The following CUBN variants were observed in gnomAD, a reference collection of about 807,000 sequenced individuals.
CUBN encodes 460 kDa receptor.
Under a neutral mutation model 405.3 loss-of-function variants are expected in CUBN, and 282 were observed. The ratio of observed to expected loss-of-function variants is 0.70; its 90% CI spans 0.63 to 0.77. The LOEUF (loss-of-function observed/expected upper bound fraction) is 0.77. Among genes scored for constraint, CUBN ranks in the 30% least tolerant of loss-of-function variants. The pLI is 0.00. For synonymous variants in CUBN, 1,684 were observed against 1,617.0 expected (o/e 1.04, Z -0.99); for missense variants, 4,514 against 4,475.2 (o/e 1.01, Z -0.25).
At chr10:17,056,054 T>C (rs1439938075) in intron 22 of CUBN, among the ~76,000 whole-genome samples, 1 of 152,098 alleles carries the variant, frequency 6.6e-6, no homozygotes, top group East Asian at 1.9e-4. Context: ...TAATGTTCTA[T>C]TGTTAAAGGG....
intron 59 of CUBN, among the ~76,000 whole-genome samples, chr10:16,860,667 G>T (rs1463982631): frequency 1.3e-5 from 2 of 152,176 alleles, no homozygotes; most frequent in Non-Finnish European, 1.5e-5. Context: ...GAATAGTGGT[G>T]TCACAAGACA....
intron 56 of CUBN, among the ~76,000 whole-genome samples, chr10:16,880,355 C>T (rs1020657410): frequency 1.3e-5 from 2 of 152,160 alleles, no homozygotes; most frequent in Non-Finnish European, 2.9e-5. Flanking sequence ...TCAGATGTGT[C>T]CAAACTGCAA....
At chr10:17,112,667 T>C (rs1254695933) in intron 8 of CUBN, among the ~76,000 whole-genome samples, 2 of 151,982 alleles carry the variant, frequency 1.3e-5, no homozygotes, top group African/African-American at 2.4e-5. Flanking sequence ...GTTTTTTTTT[T>C]CCATTTCTTT....
chr10:17,004,057 T>A (rs983303678), intron 28 of CUBN, among the ~76,000 whole-genome samples: 16 of 152,160 alleles, frequency 1.1e-4, no homozygotes, highest in African/African-American at 3.9e-4. Context: ...CAGGCTTGTT[T>A]CTCTCTCTTT....
At chr10:17,106,933 A>G (rs1836647908) in intron 10 of CUBN, among the ~76,000 whole-genome samples, 2 of 152,246 alleles carry the variant, frequency 1.3e-5, no homozygotes, top group Non-Finnish European at 2.9e-5. Context: ...ATATAGTAAC[A>G]TAAATATATG....
At chr10:16,915,687 A>C (rs1301923915) in intron 46 of CUBN, 134 bp downstream of exon 46, 4 of 780,018 alleles carry the variant, frequency 5.1e-6, no homozygotes, top group Non-Finnish European at 8.8e-6. Context: ...AGTACTGCCC[A>C]AAGCTCATTA....
intron 54 of CUBN, among the ~76,000 whole-genome samples, chr10:16,895,303 G>A (rs1376182519): frequency 6.6e-6 from 1 of 151,530 alleles, no homozygotes; most frequent in Non-Finnish European, 1.5e-5. Context: ...GTATTCTGAT[G>A]TTGCTGTGTG....
chr10:16,989,369 T>C (rs1217640542), intron 29 of CUBN, among the ~76,000 whole-genome samples: 1 of 148,208 alleles, frequency 6.7e-6, no homozygotes, highest in Non-Finnish European at 1.5e-5. Flanking sequence ...TAAATATTAA[T>C]TATTGTAATT....
At chr10:17,129,562 C>T (rs1837272153) in intron 1 of CUBN, 82 bp downstream of exon 1, 6 of 1,587,176 alleles carry the variant, frequency 3.8e-6, no homozygotes, top group African/African-American at 1.3e-5. Context: ...AAAAATTGCA[C>T]CTTTGTTTAT....
At chr10:16,938,914 A>T in intron 38 of CUBN, 49 bp downstream of exon 38, 1 of 1,478,922 alleles carries the variant, frequency 6.8e-7, no homozygotes, top group South Asian at 1.1e-5. Context: ...ATTTTTACCA[A>T]TAGCAATTCA....
At chr10:17,071,381 A>C in intron 19 of CUBN, 45 bp downstream of exon 19, 1 of 1,581,710 alleles carries the variant, frequency 6.3e-7, no homozygotes, top group Admixed American at 1.7e-5. Context: ...AATATTTTTT[A>C]TAATATACAA....
rs1418280853 is a variant in CUBN, at chr10:17,045,295, T to C, written c.3491-107A>G. The stretch of plus-strand genomic sequence containing the variant: ...CATTCTACTATCCTTTAAATCAAAT[T>C]GCACAGCAAAATGGCATCATGAAAG... On this transcript the variant is annotated intron_variant, in intron 24 of 66. Coordinates refer to ENST00000377833, the MANE Select transcript of CUBN (RefSeq NM_001081.4). 4.7e-6 allele frequency: 5 copies of C among 1,067,110 alleles called. No homozygotes were observed. In the African/African-American group the frequency reaches 7.9e-5, roughly 17 times the overall value. The allele number at this position is 1,067,110 out of a possible 1,614,324, so 66.1% of individuals were successfully genotyped here. A position where few individuals can be genotyped will look rare whatever the true frequency, so the allele number is the denominator to read the frequency against.
intron 59 of CUBN, among the ~76,000 whole-genome samples, chr10:16,855,305 A>G (rs1279685544): frequency 6.6e-6 from 1 of 151,940 alleles, no homozygotes; most frequent in Non-Finnish European, 1.5e-5. Flanking sequence ...AATGGAGAGT[A>G]TATTTTTCTG....
intron 45 of CUBN, among the ~76,000 whole-genome samples, chr10:16,917,755 G>C (rs1257657171): frequency 6.6e-6 from 1 of 152,062 alleles, no homozygotes; most frequent in Non-Finnish European, 1.5e-5. Context: ...AATGACTGTA[G>C]TTTCAAACAT....
intron 23 of CUBN, among the ~76,000 whole-genome samples, chr10:17,046,469 T>C (rs1168683687): frequency 6.6e-6 from 1 of 152,186 alleles, no homozygotes; most frequent in Non-Finnish European, 1.5e-5. Context: ...ACAGAGAATC[T>C]TTCAACGTTT....
At chr10:16,913,766 T>C in intron 48 of CUBN, 45 bp downstream of exon 48, 1 of 1,609,656 alleles carries the variant, frequency 6.2e-7, no homozygotes, top group Admixed American at 1.7e-5. Context: ...CGGTAAACTC[T>C]TTAAATGATG....
Position 16,925,426 on chromosome 10 carries a change from T to G in CUBN, c.6463-2A>C. ...ACAGATATCAGGACCATTTCTTAGC[T>G]GGAAAGACAAATTAAAATTTCATCA... On this transcript the variant is annotated splice_acceptor_variant, in intron 42 of 66. Transcript: ENST00000377833. LOFTEE classifies it high-confidence loss of function. The G allele has an allele frequency of 6.2e-7, 1 of 1,613,686 alleles. No homozygotes were observed. The highest frequency in any genetic ancestry group is 8.5e-7 in the Non-Finnish European group (1 of 1,179,700).
At chr10:16,854,388 T>G (rs10904826) in intron 59 of CUBN, among the ~76,000 whole-genome samples, 29,612 of 152,164 alleles carry the variant, frequency 0.19, 6,345 homozygotes, top group African/African-American at 0.54. Flanking sequence ...ACTGTGTTCT[T>G]TGGCTAATGG....
intron 17 of CUBN, among the ~76,000 whole-genome samples, chr10:17,072,559 T>A (rs1588624838): frequency 2.0e-5 from 3 of 151,964 alleles, no homozygotes; most frequent in Admixed American, 1.3e-4. Context: ...CTATGTACAA[T>A]TTTTTTAAGT....
Sources: allele counts gnomAD v4.1 joint callset (sites outside exome capture counted in the v4.1 genomes callset), GRCh38; gene constraint gnomAD v4.1.1; transcripts MANE v1.5; gene names NCBI Gene and HGNC (gene_info 2026-07-23, HGNC 2026-07-21).